Variants in ST3GAL4 observed in about 807,000 individuals in gnomAD.
ST3GAL4 encodes the protein CMP-N-acetylneuraminate-beta-galactosamide-alpha-2,3-sialyltransferase 4.
Under a neutral mutation model 42.6 loss-of-function variants are expected in ST3GAL4, and 24 were observed. That is an observed-to-expected ratio of 0.56 (90% CI 0.41 to 0.79). The LOEUF (loss-of-function observed/expected upper bound fraction) is 0.79, where lower values mean the gene tolerates loss of function less well. Among genes scored for constraint, ST3GAL4 ranks in the 30% least tolerant of loss-of-function variants. The pLI is 0.00. For missense variants in ST3GAL4, 311 were observed against 430.8 expected, an observed-to-expected ratio of 0.72 and a Z score of 2.46; for synonymous variants, 135 against 163.2, an observed-to-expected ratio of 0.83 and a Z score of 1.32.
rs928215715 is a variant in ST3GAL4, at chr11:126,400,075, C to T, written c.-60-6021C>T. 6.6e-5 allele frequency among the ~76,000 whole-genome samples: 10 copies of T among 152,166 alleles called. No individual in the cohort carries two copies. Among genetic ancestry groups the T allele is most frequent in the Non-Finnish European group, 1.3e-4 (9 of 68,042 alleles). On this transcript the variant is annotated intron_variant, in intron 1 of 10. Transcript: ENST00000444328. The surrounding 1 kb of genome is among the most constrained non-coding windows in gnomAD (Gnocchi z 4.6). ...CCCCTCCCCTGCTTTCCTCTCCCCT[C>T]TCCACTTCTTGGCACCAATTTTCTG...
chr11:126,374,680 C>G (rs1565399832), intron 1 of ST3GAL4, among the ~76,000 whole-genome samples: 1 of 152,048 alleles, frequency 6.6e-6, no homozygotes, highest in African/African-American at 2.4e-5. Context: ...GCCAGTAGAG[C>G]ACGTGTGTCT....
In ST3GAL4 at chr11:126,406,035, CCA is replaced by C; in HGVS notation, c.-60-60_-60-59del. On this transcript the variant is annotated intron_variant, in intron 1 of 10. Transcript: ENST00000444328. The surrounding 1 kb of genome is among the most constrained non-coding windows in gnomAD (Gnocchi z 5.4). ...GGGCAGACAGTGGGTGTGTCCTGCT[CCA>C]GTGTCTAGGCAGGAGAGTTTGTGAA... The C allele has an allele frequency of 2.0e-6, 3 of 1,535,256 alleles. No homozygotes were observed. Among genetic ancestry groups the C allele is most frequent in the Non-Finnish European group, 2.6e-6 (3 of 1,133,380 alleles).
chr11:126,408,313 C>G lies in ST3GAL4; in HGVS notation c.444C>G (p.Asn148Lys), dbSNP rs1954358855. 1.9e-6 allele frequency: 3 copies of G among 1,613,966 alleles called. No homozygotes were observed. Among genetic ancestry groups the G allele is most frequent in the African/African-American group, 2.7e-5 (2 of 74,914 alleles). The change falls in exon 8 of 11, where the codon AAC (asparagine) becomes AAG (lysine). Residue 148 changes from asparagine (N) to lysine (K), a missense_variant. Transcript: ENST00000444328. ...TCCTCCTCCCAACCCCCAGATTGAA[C>G]AATGCCCCAGTGGCTGGCTATGAGG... is the stretch of plus-strand genomic sequence containing the variant. ...INKYDVVIRL[N>K]NAPVAGYEGD... is the part of the protein sequence containing the mutation.
At position 126,406,446 on chromosome 11, in the gene ST3GAL4, T is replaced by C. The variant is rs763213129; in HGVS notation, c.17-27T>C. On this transcript the variant is annotated intron_variant, in intron 2 of 10. Coordinates refer to ENST00000444328, the MANE Select transcript of ST3GAL4 (RefSeq NM_001254757.2). The surrounding 1 kb of genome is among the most constrained non-coding windows in gnomAD (Gnocchi z 5.4). ...GGTTGTACCTGCCTGTTGCTGCCTC[T>C]AGCTCCTCTCTGCATGTGTCCTGCA... The C allele has an allele frequency of 6.2e-7, 1 of 1,614,150 alleles. No homozygotes were observed. The highest frequency in any genetic ancestry group is 8.5e-7 in the Non-Finnish European group (1 of 1,180,024).
In ST3GAL4 at chr11:126,393,775, C is replaced by T. The variant is rs1447090599; in HGVS notation, c.-60-12321C>T. Among the ~76,000 whole-genome samples the T allele has an allele frequency of 6.6e-6, 1 of 152,174 alleles. No homozygotes were observed. Among genetic ancestry groups the T allele is most frequent in the African/African-American group, 2.4e-5 (1 of 41,442 alleles). On this transcript the variant is annotated intron_variant, in intron 1 of 10. Coordinates refer to ENST00000444328, the MANE Select transcript of ST3GAL4 (RefSeq NM_001254757.2). This position sits in a 1 kb window ranked among gnomAD's most constrained non-coding sequence, Gnocchi z 5.9. ...CAAAATAGAATGGGAGCCAGAAATA[C>T]AAGCCACATGTAATTTTAAATTACT...
rs141445235 is a variant in ST3GAL4, at chr11:126,370,971, G to A, written c.-61+15129G>A. ...GTGTGAACCACTGTGCCTGGCCCTC[G>A]TTCTTTTTTTTATATGAAAATATTT... On this transcript the variant is annotated intron_variant, in intron 1 of 10. Coordinates refer to ENST00000444328, the MANE Select transcript of ST3GAL4 (RefSeq NM_001254757.2). 5.4e-3 allele frequency among the ~76,000 whole-genome samples: 819 copies of A among 150,688 alleles called. 32 individuals are homozygous for A. Among genetic ancestry groups the A allele is most frequent in the Admixed American group, 0.05 (751 of 15,120 alleles).
At chr11:126,388,680 T>TTTTTTTTTCA (rs1953339087) in intron 1 of ST3GAL4, among the ~76,000 whole-genome samples, 1 of 79,134 alleles carries the variant, frequency 1.3e-5, no homozygotes, top group Non-Finnish European at 3.0e-5. Flanking sequence ...TTTTTTTTTT[T>TTTTTTTTTCA]TCTGATTTAC....
chr11:126,389,048 G>T (rs1160282845), intron 1 of ST3GAL4, among the ~76,000 whole-genome samples: 1 of 152,116 alleles, frequency 6.6e-6, no homozygotes, highest in Non-Finnish European at 1.5e-5. Context: ...ACAGTGCTGG[G>T]ATTACAGGCG....
chr11:126,404,996 T>C (rs1565422246), intron 1 of ST3GAL4, among the ~76,000 whole-genome samples: 1 of 152,242 alleles, frequency 6.6e-6, no homozygotes, highest in Non-Finnish European at 1.5e-5. Context: ...CAAACACTAG[T>C]GCTTGCCTCC....
At chr11:126,368,446 G>A (rs1206875360) in intron 1 of ST3GAL4, among the ~76,000 whole-genome samples, 1 of 152,258 alleles carries the variant, frequency 6.6e-6, no homozygotes, top group African/African-American at 2.4e-5. Flanking sequence ...CAGCCTCACA[G>A]TCTGGGGAGG....
In ST3GAL4 at chr11:126,400,642, G is replaced by A. The variant is rs902251546; in HGVS notation, c.-60-5454G>A. The stretch of plus-strand genomic sequence containing the variant: ...GAGTGCGGAGTGAGTGAAGCAAGAG[G>A]GTGATTTGATCCATATCATTTCTTA... On this transcript the variant is annotated intron_variant, in intron 1 of 10. Coordinates refer to ENST00000444328, the MANE Select transcript of ST3GAL4 (RefSeq NM_001254757.2). The surrounding 1 kb of genome is among the most constrained non-coding windows in gnomAD (Gnocchi z 4.6). 4.6e-5 allele frequency among the ~76,000 whole-genome samples: 7 copies of A among 152,136 alleles called. No individual in the cohort carries two copies. Among genetic ancestry groups the A allele is most frequent in the African/African-American group, 1.7e-4 (7 of 41,430 alleles).
rs11443803 is a variant in ST3GAL4, at chr11:126,375,869, C to CTTT, written c.-61+20045_-61+20047dup. ...TGCAGGATCCTGATTCCTTTTCTTCCTTTTTTTTTTTTTTTTTTTTGCCCC... is the reference window on the plus strand; with the variant it reads ...TGCAGGATCCTGATTCCTTTTCTTCCTTTTTTTTTTTTTTTTTTTTTTTGCCCC... On this transcript the variant is annotated intron_variant, in intron 1 of 10. Transcript: ENST00000444328. Among the ~76,000 whole-genome samples the CTTT allele has an allele frequency of 1.2e-3, 153 of 122,630 alleles. 2 individuals carry two copies. Among genetic ancestry groups the CTTT allele is most frequent in the Non-Finnish European group, 1.9e-3 (114 of 58,924 alleles). The allele number at this position is 122,630 out of a possible 152,430, so 80.5% of individuals were successfully genotyped here. A position where few individuals can be genotyped will look rare whatever the true frequency, so the allele number is the denominator to read the frequency against.
intron 1 of ST3GAL4, among the ~76,000 whole-genome samples, chr11:126,404,066 T>G (rs907917728): frequency 6.6e-6 from 1 of 152,242 alleles, no homozygotes. Flanking sequence ...TTTTTTTGTT[T>G]AAGTACTTCA....
chr11:126,387,494 G>A (rs936197695), intron 1 of ST3GAL4, among the ~76,000 whole-genome samples: 3 of 152,006 alleles, frequency 2.0e-5, no homozygotes, highest in African/African-American at 4.8e-5. Flanking sequence ...CCTGTTCAAC[G>A]TGGTGAGACC....
chr11:126,359,846 C>T lies in ST3GAL4; in HGVS notation c.-61+4004C>T, dbSNP rs148029439. 1.3e-5 allele frequency among the ~76,000 whole-genome samples: 2 copies of T among 152,348 alleles called. No homozygotes were observed. The highest frequency in any genetic ancestry group is 4.8e-5 in the African/African-American group (2 of 41,578). The stretch of plus-strand genomic sequence containing the variant: ...GCTTCCATCTGGCCTGCCTGCAGCT[C>T]CTATTCCTTTGGAAATGTGGCTGCC... On this transcript the variant is annotated intron_variant, in intron 1 of 10. Transcript: ENST00000444328. This position sits in a 1 kb window ranked among gnomAD's most constrained non-coding sequence, Gnocchi z 4.8.
chr11:126,380,504 C>T (rs1806020171), intron 1 of ST3GAL4, among the ~76,000 whole-genome samples: 2 of 152,174 alleles, frequency 1.3e-5, no homozygotes, highest in African/African-American at 4.8e-5. Context: ...CCCCTAGGGG[C>T]TGATGTTCTT....
intron 1 of ST3GAL4, among the ~76,000 whole-genome samples, chr11:126,395,445 G>A (rs1347928262): frequency 1.3e-5 from 2 of 152,126 alleles, no homozygotes; most frequent in Non-Finnish European, 2.9e-5. Context: ...AGCATAAATC[G>A]CAAAGGCCCA....
rs1180266898 is a variant in ST3GAL4 at position 126,363,806 on chromosome 11, C to G, written c.-61+7964C>G. 6.6e-6 allele frequency among the ~76,000 whole-genome samples: 1 copy of G among 152,220 alleles called. No homozygotes were observed. On this transcript the variant is annotated intron_variant, in intron 1 of 10. Transcript: ENST00000444328. The surrounding 1 kb of genome is among the most constrained non-coding windows in gnomAD (Gnocchi z 4.6). The stretch of plus-strand genomic sequence containing the variant: ...GGGAGTTGGCCAACACAGTTTTCTA[C>G]TCTCAGACCCCATTGAGGTGAGCAC...
At chr11:126,371,163 C>CTTATTTATTTTTTTTTTTTTTTT (rs1555082244) in intron 1 of ST3GAL4, among the ~76,000 whole-genome samples, 8 of 59,974 alleles carry the variant, frequency 1.3e-4, no homozygotes, top group Non-Finnish European at 1.5e-4. Flanking sequence ...CCCCACATTC[C>CTTATTTATTTTTTTTTTTTTTTT]TTTTTTTTTT....
Sources: gnomAD v4.1 joint callset for allele counts (sites outside exome capture counted in the v4.1 genomes callset) on GRCh38, gnomAD v4.1.1 for gene constraint, Gnocchi (gnomAD v3.1) non-coding constraint, MANE v1.5 for transcripts, NCBI Gene and HGNC (gene_info 2026-07-23, HGNC 2026-07-21) for gene names.